Variants in ZC3H18 observed in about 807,000 individuals in gnomAD.
ZC3H18 encodes the protein zinc finger CCCH domain-containing protein 18.
ZC3H18 carries 8 observed loss-of-function variants against 106.1 expected under a neutral mutation model. The ratio of observed to expected loss-of-function variants is 0.08; its 90% CI spans 0.04 to 0.14. The LOEUF is 0.14. Among genes scored for constraint, ZC3H18 ranks in the 10% least tolerant of loss-of-function variants. ZC3H18 has a pLI of 1.00. For synonymous variants in ZC3H18, 635 were observed against 522.1 expected (o/e 1.22, Z -2.95); for missense variants, 1,318 against 1,278.4 (o/e 1.03, Z -0.47).
In ZC3H18 at chr16:88,628,622, A is replaced by G. The variant is rs1906465956; in HGVS notation, c.2470-136A>G. ...GGTCCTGGAGGCCTCACTCAGGGCT[A>G]CGGGGTCTCATGGGTGTGTGGTGGG... On this transcript the variant is annotated intron_variant, in intron 15 of 17. Coordinates refer to ENST00000301011, the MANE Select transcript of ZC3H18 (RefSeq NM_144604.4). 2.5e-5 allele frequency: 22 copies of G among 892,024 alleles called. No homozygotes were observed. The South Asian group carries it at 3.1e-4, about 13-fold the overall frequency. 55.3% of individuals were successfully genotyped at this position (892,024 alleles called of 1,614,324 possible).
At chr16:88,616,239 A>G (rs1905594501) in intron 8 of ZC3H18, among the ~76,000 whole-genome samples, 1 of 152,086 alleles carries the variant, frequency 6.6e-6, no homozygotes, top group Non-Finnish European at 1.5e-5. Context: ...GTACTAAATG[A>G]GTTTTTCTTA....
intron 6 of ZC3H18, 32 bp downstream of exon 6, chr16:88,599,980 C>G (rs1425963119): frequency 2.5e-6 from 4 of 1,610,326 alleles, no homozygotes; most frequent in African/African-American, 2.7e-5. Context: ...CCCTCCGTTT[C>G]CTTCCTGCAT....
In ZC3H18 at chr16:88,612,000, C is replaced by T. The variant is rs572914467; in HGVS notation, c.1475+464C>T. Among the ~76,000 whole-genome samples the T allele has an allele frequency of 2.6e-5, 4 of 152,174 alleles. No individual in the cohort carries two copies. The East Asian group carries it at 7.7e-4, about 29-fold the overall frequency. On this transcript the variant is annotated intron_variant, in intron 8 of 17. Coordinates refer to ENST00000301011, the MANE Select transcript of ZC3H18 (RefSeq NM_144604.4). ...CCGTGTTGCTGGCCAGGGTGAGGCA[C>T]TCTAGCAGCCAGCATGCAGGGGAGG...
chr16:88,622,685 C>T (rs1411667484), intron 9 of ZC3H18: 1 of 403,448 alleles, frequency 2.5e-6, no homozygotes, highest in Non-Finnish European at 4.5e-6. Context: ...TGCGGGAGGA[C>T]GCACAGACCT....
rs1906221570 is a variant in ZC3H18, at chr16:88,625,139, G to A, written c.2043-63G>A. 9 of 1,541,446 alleles carry A rather than the reference G, an allele frequency of 5.8e-6. 1 individual carries two copies. Among genetic ancestry groups the A allele is most frequent in the Admixed American group, 3.9e-5 (2 of 50,946 alleles). On this transcript the variant is annotated intron_variant, in intron 12 of 17. Coordinates refer to ENST00000301011, the MANE Select transcript of ZC3H18 (RefSeq NM_144604.4). ...CACCTCACAGGGCTGCTGGTGGGGA[G>A]GGGAGGCCGCGAGGGGCTGTGGAGG...
chr16:88,586,823 G>C (rs1424476855), intron 3 of ZC3H18, 139 bp downstream of exon 3: 3 of 644,814 alleles, frequency 4.7e-6, no homozygotes, highest in African/African-American at 1.8e-5. Context: ...TGGTGGTGGT[G>C]GTGGTGGTGG....
intron 3 of ZC3H18, among the ~76,000 whole-genome samples, chr16:88,593,388 C>T (rs145429828): frequency 2.0e-5 from 3 of 152,314 alleles, no homozygotes; most frequent in Non-Finnish European, 2.9e-5. Context: ...AGGGATGATT[C>T]GTGTCCCAGG....
In ZC3H18 at chr16:88,577,283, G is replaced by A; in HGVS notation, c.160G>A (p.Ala54Thr). The change falls in exon 2 of 18, where the codon GCA becomes ACA. Residue 54 changes from alanine (A) to threonine (T), a missense_variant. Around this residue, in one of 6 missense-constraint regions of ZC3H18, gnomAD observed 346 missense variants for 269.0 expected, o/e 1.29. Coordinates refer to ENST00000301011, the MANE Select transcript of ZC3H18 (RefSeq NM_144604.4). ...TTCTGATCTGGAGGATGAGGAAAGT[G>A]CAGCCAGGGGGCCGAGCCAGGAGGA... ...RASDLEDEES[A>T]ARGPSQEEED... 2.5e-6 allele frequency: 4 copies of A among 1,613,318 alleles called. No individual in the cohort carries two copies. The highest frequency in any genetic ancestry group is 3.4e-6 in the Non-Finnish European group (4 of 1,179,696).
rs1412126063 is a variant in ZC3H18 at position 88,572,432 on chromosome 16, A to G, written c.-15+1866A>G. Among the ~76,000 whole-genome samples, 6 of 151,798 alleles carry G rather than the reference A, an allele frequency of 4.0e-5. No homozygotes were observed. In the East Asian group the frequency reaches 1.2e-3, roughly 30 times the overall value. On this transcript the variant is annotated intron_variant, in intron 1 of 17. Coordinates refer to ENST00000301011, the MANE Select transcript of ZC3H18 (RefSeq NM_144604.4). Reference sequence around the variant, plus strand: ...TTTAAATTCCTTTCTGGTAGGCAACAGGTAGTTCCTCAATTAACGAGTTTT... The same window carrying G: ...TTTAAATTCCTTTCTGGTAGGCAACGGGTAGTTCCTCAATTAACGAGTTTT...
intron 13 of ZC3H18, 63 bp downstream of exon 13, chr16:88,625,330 G>A: frequency 6.5e-7 from 1 of 1,548,210 alleles, no homozygotes; most frequent in African/African-American, 1.4e-5. Context: ...AGTCCCAGAA[G>A]CAGCCAGTGT....
chr16:88,611,318 G>GGAGCGGGAGCGGGACCGA lies in ZC3H18; in HGVS notation c.1269_1286dup (p.Asp424_Arg429dup), dbSNP rs776873915. The GGAGCGGGAGCGGGACCGA allele has an allele frequency of 2.3e-5, 17 of 743,544 alleles. No homozygotes were observed. Among genetic ancestry groups the GGAGCGGGAGCGGGACCGA allele is most frequent in the Middle Eastern group, 2.3e-4 (1 of 4,296 alleles). 46.1% of individuals were successfully genotyped at this position (743,544 alleles called of 1,614,324 possible). On this transcript the variant is annotated inframe_insertion, in exon 8 of 18. Coordinates refer to ENST00000301011, the MANE Select transcript of ZC3H18 (RefSeq NM_144604.4). ...AGAACAGACAGCGCGAGCGCGAGCG[G>GGAGCGGGAGCGGGACCGA]GAGCGGGAGCGGGACCGAGAGCGGG...
At chr16:88,596,571 T>G (rs1597335660) in intron 3 of ZC3H18, among the ~76,000 whole-genome samples, 1 of 151,546 alleles carries the variant, frequency 6.6e-6, no homozygotes, top group African/African-American at 2.4e-5. Flanking sequence ...ACCCAGGAGG[T>G]GGAGGTTGCA....
chr16:88,601,679 T>C (rs1252558107), intron 6 of ZC3H18, among the ~76,000 whole-genome samples: 1 of 152,022 alleles, frequency 6.6e-6, no homozygotes, highest in Non-Finnish European at 1.5e-5. Flanking sequence ...GTCTCGGCAG[T>C]CAGGGCTGAA....
At chr16:88,578,138 A>G (rs538979980) in intron 2 of ZC3H18, among the ~76,000 whole-genome samples, 3 of 152,298 alleles carry the variant, frequency 2.0e-5, no homozygotes, top group East Asian at 3.9e-4. Flanking sequence ...AGGTTTTTGG[A>G]CTGAAAAGAA....
At chr16:88,573,632 G>A (rs1914548148) in intron 1 of ZC3H18, among the ~76,000 whole-genome samples, 1 of 151,836 alleles carries the variant, frequency 6.6e-6, no homozygotes, top group East Asian at 1.9e-4. Flanking sequence ...GGCTGGACTC[G>A]AACTCTTGGG....
At position 88,598,346 on chromosome 16, in the gene ZC3H18, T is replaced by C; in HGVS notation, c.837+20T>C. 1.3e-6 allele frequency: 2 copies of C among 1,587,624 alleles called. No homozygotes were observed. Among genetic ancestry groups the C allele is most frequent in the Non-Finnish European group, 8.6e-7 (1 of 1,169,318 alleles). On this transcript the variant is annotated intron_variant, in intron 4 of 17. Transcript: ENST00000301011. ...CCTTGGGTGCGTGATGCCTCTTCTT[T>C]CATTGTTAGCACATCAGCCAACTGA...
In ZC3H18 at chr16:88,594,538, A is replaced by C. The variant is rs565887019; in HGVS notation, c.689-3640A>C. Among the ~76,000 whole-genome samples, 4 of 152,254 alleles carry C rather than the reference A, an allele frequency of 2.6e-5. No individual in the cohort carries two copies. The South Asian group carries it at 8.3e-4, about 32-fold the overall frequency. ...TATCTGTTTCCTGTCTGTTTCCCTGATCCAGTTTGGGTTGGTTGCTACTGA... is the reference window on the plus strand; with the variant it reads ...TATCTGTTTCCTGTCTGTTTCCCTGCTCCAGTTTGGGTTGGTTGCTACTGA... On this transcript the variant is annotated intron_variant, in intron 3 of 17. Coordinates refer to ENST00000301011, the MANE Select transcript of ZC3H18 (RefSeq NM_144604.4).
rs570938896 is a variant in ZC3H18 at position 88,603,687 on chromosome 16, A to G, written c.1088+3739A>G. Among the ~76,000 whole-genome samples, 60 of 149,446 alleles carry G rather than the reference A, an allele frequency of 4.0e-4. No homozygotes were observed. The South Asian group carries it at 9.5e-3, about 24-fold the overall frequency. On this transcript the variant is annotated intron_variant, in intron 6 of 17. Coordinates refer to ENST00000301011, the MANE Select transcript of ZC3H18 (RefSeq NM_144604.4). Reference sequence around the variant, plus strand: ...GCCCAGCGTGGAGTGCAGTGGCGCAATCTGGGCTCACTGCAAGCTCTGCCT... The same window carrying G: ...GCCCAGCGTGGAGTGCAGTGGCGCAGTCTGGGCTCACTGCAAGCTCTGCCT...
chr16:88,593,303 C>T (rs1000329421), intron 3 of ZC3H18, among the ~76,000 whole-genome samples: 39 of 152,294 alleles, frequency 2.6e-4, no homozygotes, highest in African/African-American at 6.5e-4. Context: ...GTACCCCCAA[C>T]GGTTGTTGGC....
Sources: allele counts gnomAD v4.1 joint callset (sites outside exome capture counted in the v4.1 genomes callset), GRCh38; gene constraint gnomAD v4.1.1; regional missense constraint gnomAD v4.1.1; transcripts MANE v1.5; gene names NCBI Gene and HGNC (gene_info 2026-07-23, HGNC 2026-07-21).